Variants in STK32A observed in about 807,000 individuals in gnomAD.
The protein encoded by STK32A is serine/threonine kinase 32A.
STK32A carries 41 observed loss-of-function variants against 53.2 expected under a neutral mutation model. The observed-to-expected ratio is 0.77, with a 90% CI of 0.60 to 1.00. The LOEUF (loss-of-function observed/expected upper bound fraction) is 1.00, where lower values mean the gene tolerates loss of function less well. STK32A is among the 50% of genes least tolerant of loss of function. The probability of loss-of-function intolerance (pLI) is 0.00; values close to 1 mark genes in which losing one functional copy is unlikely to be tolerated. For synonymous variants in STK32A, 166 were observed against 162.8 expected (o/e 1.02, Z -0.15); for missense variants, 458 against 485.8 (o/e 0.94, Z 0.54).
chr5:147,273,229 T>C (rs1755119038), intron 2 of STK32A, among the ~76,000 whole-genome samples: 1 of 152,162 alleles, frequency 6.6e-6, no homozygotes. Flanking sequence ...CATCACTGGG[T>C]TTCAGAATCA....
At position 147,287,156 on chromosome 5, in the gene STK32A, C is replaced by T. The variant is rs186998345; in HGVS notation, c.260+7758C>T. On this transcript the variant is annotated intron_variant, in intron 4 of 12. Coordinates refer to ENST00000397936, the MANE Select transcript of STK32A (RefSeq NM_001112724.2). ...CTAGACATTAAGTGACTGTGATCTG[C>T]GCTCCAAGCTATTTCCATAATCCAA... Among the ~76,000 whole-genome samples the T allele has an allele frequency of 7.2e-5, 11 of 152,264 alleles. No homozygotes were observed. In the South Asian group the frequency reaches 1.2e-3, roughly 17 times the overall value.
chr5:147,358,661 C>A (rs1232362397), intron 7 of STK32A, among the ~76,000 whole-genome samples: 1 of 152,006 alleles, frequency 6.6e-6, no homozygotes, highest in Non-Finnish European at 1.5e-5. Context: ...AAAAGTAAGA[C>A]ACCAAAGAAT....
intron 4 of STK32A, among the ~76,000 whole-genome samples, chr5:147,321,142 G>A (rs1364844300): frequency 6.6e-6 from 1 of 152,178 alleles, no homozygotes; most frequent in Non-Finnish European, 1.5e-5. Flanking sequence ...AATGCACTGG[G>A]ACCAGACTTG....
chr5:147,320,452 CATTG>C (rs1449433495), intron 4 of STK32A, among the ~76,000 whole-genome samples: 8 of 21,278 alleles, frequency 3.8e-4, no homozygotes, highest in Non-Finnish European at 1.3e-3. Flanking sequence ...TTCTTTGATT[CATTG>C]ATTATGTTTT....
chr5:147,348,786 T>A (rs1254705002), intron 6 of STK32A: 4 of 737,908 alleles, frequency 5.4e-6, no homozygotes, highest in Admixed American at 3.8e-5. Context: ...CTGAAGTTTC[T>A]GATAATGACG....
chr5:147,400,414 A>C, the STK32A span, among the ~76,000 whole-genome samples: 2 of 152,248 alleles, frequency 1.3e-5, no homozygotes, highest in African/African-American at 4.8e-5. Context: ...TTTTAAGTAC[A>C]GGCTATTCGT....
At chr5:147,271,805 G>C (rs1415446572) in intron 2 of STK32A, among the ~76,000 whole-genome samples, 1 of 152,092 alleles carries the variant, frequency 6.6e-6, no homozygotes, top group Non-Finnish European at 1.5e-5. Flanking sequence ...CCTGTCTCCT[G>C]ATAAGATGTT....
Position 147,351,047 on chromosome 5 carries a change from G to T in STK32A, c.473-18G>T, listed in dbSNP as rs765150753. 2 of 1,611,050 alleles carry T rather than the reference G, an allele frequency of 1.2e-6. No individual in the cohort carries two copies. The highest frequency in any genetic ancestry group is 1.7e-6 in the Non-Finnish European group (2 of 1,177,730). On this transcript the variant is annotated intron_variant, in intron 6 of 12. Transcript: ENST00000397936. ...TGAATGGGACTTAACTTTCTGTGTG[G>T]TTCTTCTCTCTCTGCAGGGCACGTG...
intron 7 of STK32A, among the ~76,000 whole-genome samples, chr5:147,355,792 G>GTGTATATA (rs984298293): frequency 2.0e-5 from 3 of 147,844 alleles, no homozygotes; most frequent in East Asian, 3.9e-4. Flanking sequence ...GTGTGTGTGT[G>GTGTATATA]TATATATATA....
At chr5:147,355,950 A>G (rs1313165091) in intron 7 of STK32A, among the ~76,000 whole-genome samples, 1 of 152,150 alleles carries the variant, frequency 6.6e-6, no homozygotes, top group African/African-American at 2.4e-5. Context: ...CGATCATGCT[A>G]AATGTAACCT....
chr5:147,350,180 G>A (rs1375669812), intron 6 of STK32A, among the ~76,000 whole-genome samples: 1 of 68,462 alleles, frequency 1.5e-5, no homozygotes, highest in East Asian at 4.1e-4. Context: ...ACCGCCCCCC[G>A]CTATCCCTTG....
chr5:147,355,158 A>T (rs1226974721), intron 7 of STK32A, among the ~76,000 whole-genome samples: 1 of 152,236 alleles, frequency 6.6e-6, no homozygotes, highest in African/African-American at 2.4e-5. Context: ...AGAAATATTC[A>T]TCTACTAATA....
At chr5:147,379,684 C>T (rs1757377991) in intron 11 of STK32A, among the ~76,000 whole-genome samples, 1 of 152,150 alleles carries the variant, frequency 6.6e-6, no homozygotes, top group South Asian at 2.1e-4. Context: ...TGCCATGCCA[C>T]CCAGTCTGTC....
At chr5:147,259,343 G>A (rs751096631) in intron 2 of STK32A, among the ~76,000 whole-genome samples, 37 of 151,976 alleles carry the variant, frequency 2.4e-4, no homozygotes, top group Non-Finnish European at 4.0e-4. Context: ...AAGCAGTTGC[G>A]GCTACAGATT....
At chr5:147,373,337 G>T in intron 10 of STK32A, 43 bp downstream of exon 10, 2 of 1,606,698 alleles carry the variant, frequency 1.2e-6, no homozygotes, top group East Asian at 2.2e-5. Flanking sequence ...CATTCAGTGC[G>T]CATTACCCGG....
intron 2 of STK32A, among the ~76,000 whole-genome samples, chr5:147,260,314 TCTCTTCTCC>T (rs1322421060): frequency 7.1e-6 from 1 of 141,564 alleles, no homozygotes; most frequent in East Asian, 2.2e-4. Flanking sequence ...TCTCTCTCTC[TCTCTTCTCC>T]GTCTCTATCT....
At chr5:147,342,921 A>C in intron 5 of STK32A, 85 bp from the exon 6 acceptor site, 1 of 1,204,096 alleles carries the variant, frequency 8.3e-7, no homozygotes, top group South Asian at 1.3e-5. Flanking sequence ...AACTCCAGTT[A>C]GCTTTCTTAA....
At chr5:147,294,831 G>A (rs1039961207) in intron 4 of STK32A, among the ~76,000 whole-genome samples, 3 of 151,972 alleles carry the variant, frequency 2.0e-5, no homozygotes, top group Non-Finnish European at 4.4e-5. Flanking sequence ...CTACAGGCAT[G>A]TGCCACCACA....
chr5:147,274,420 C>A (rs933172628), intron 2 of STK32A, among the ~76,000 whole-genome samples: 1 of 152,088 alleles, frequency 6.6e-6, no homozygotes, highest in Admixed American at 6.6e-5. Context: ...GCTCCATGAA[C>A]CAGAATGAAA....
Sources: allele counts gnomAD v4.1 joint callset (sites outside exome capture counted in the v4.1 genomes callset), GRCh38; gene constraint gnomAD v4.1.1; transcripts MANE v1.5; gene names NCBI Gene and HGNC (gene_info 2026-07-23, HGNC 2026-07-21).